Variants in SORCS3 observed in about 807,000 individuals in gnomAD.
SORCS3 encodes the protein VPS10 domain-containing receptor SorCS3.
SORCS3 carries 57 observed loss-of-function variants against 146.3 expected under a neutral mutation model. The ratio of observed to expected loss-of-function variants is 0.39; its 90% CI spans 0.31 to 0.49. SORCS3 has a LOEUF of 0.49. SORCS3 is among the 20% of genes least tolerant of loss of function. The pLI is 0.92. For missense variants in SORCS3, 1,341 were observed against 1,575.5 expected (o/e 0.85, Z 2.52); for synonymous variants, 653 against 618.5 (o/e 1.06, Z -0.83).
At chr10:105,032,459 T>C (rs2055275385) in intron 4 of SORCS3, among the ~76,000 whole-genome samples, 1 of 152,152 alleles carries the variant, frequency 6.6e-6, no homozygotes, top group Non-Finnish European at 1.5e-5. Flanking sequence ...TTTACTCCTC[T>C]GAAAGAATAG....
rs571900628 is a variant in SORCS3, at chr10:104,694,051, A to C, written c.627+52097A>C. Among the ~76,000 whole-genome samples, 14 of 151,960 alleles carry C rather than the reference A, an allele frequency of 9.2e-5. No individual in the cohort carries two copies. In the South Asian group the frequency reaches 2.1e-3, roughly 23 times the overall value. On this transcript the variant is annotated intron_variant, in intron 1 of 26. Coordinates refer to ENST00000369701, the MANE Select transcript of SORCS3 (RefSeq NM_014978.3). ...CACTTGATAGCTGAAATCATTACAG[A>C]AAAACAGAGCCTTGATTTGCGTGGT...
chr10:104,944,344 A>G (rs1020762399), intron 3 of SORCS3, among the ~76,000 whole-genome samples: 9 of 152,326 alleles, frequency 5.9e-5, no homozygotes, highest in African/African-American at 2.2e-4. Flanking sequence ...AATTTTGACT[A>G]TAGAAGAAAA....
chr10:105,156,316 C>T (rs1214607871), intron 9 of SORCS3, among the ~76,000 whole-genome samples: 2 of 152,242 alleles, frequency 1.3e-5, no homozygotes, highest in Non-Finnish European at 2.9e-5. Context: ...TAAGTATCTG[C>T]TTTCCTTGCC....
At chr10:105,182,986 T>C (rs1282694570) in intron 14 of SORCS3, among the ~76,000 whole-genome samples, 1 of 152,160 alleles carries the variant, frequency 6.6e-6, no homozygotes, top group Admixed American at 6.5e-5. Context: ...TACAGACACA[T>C]GTGCCAGTGC....
In SORCS3 at chr10:104,959,239, A is replaced by C. The variant is rs564981962; in HGVS notation, c.796-18096A>C. On this transcript the variant is annotated intron_variant, in intron 3 of 26. Transcript: ENST00000369701. ...AGGGGATACTATGGAACTGAATGCTATTCACCCCTACACATACCAAATTCA... is the reference window on the plus strand; with the variant it reads ...AGGGGATACTATGGAACTGAATGCTCTTCACCCCTACACATACCAAATTCA... 7.6e-4 allele frequency among the ~76,000 whole-genome samples: 116 copies of C among 152,276 alleles called. 1 individual carries two copies. Among genetic ancestry groups the C allele is most frequent in the Admixed American group, 2.0e-3 (30 of 15,288 alleles).
intron 1 of SORCS3, among the ~76,000 whole-genome samples, chr10:104,744,714 A>G (rs1306406126): frequency 1.3e-5 from 2 of 152,244 alleles, no homozygotes; most frequent in South Asian, 2.1e-4. Flanking sequence ...CTCCGCCTCC[A>G]TACCCAGAAT....
chr10:104,842,858 A>G lies in SORCS3; in HGVS notation c.694A>G (p.Arg232Gly), dbSNP rs753425430. The G allele has an allele frequency of 6.2e-7, 1 of 1,613,300 alleles. No homozygotes were observed. Among genetic ancestry groups the G allele is most frequent in the East Asian group, 2.2e-5 (1 of 44,856 alleles). ...LGSVTESSLW[R>G]STDYGTTYEK... ...CAGCGTGACTGAGAGTTCACTATGG[A>G]GGTAAGCAGATTAGAGATTCTTAAG... The change falls in exon 2 of 27, where the codon AGG (arginine) becomes GGG (glycine). Residue 232 changes from arginine (R) to glycine (G), a missense_variant and splice_region_variant. Arg to Gly is a moderately radical substitution (Grantham distance 125, BLOSUM62 -2). Transcript: ENST00000369701.
intron 1 of SORCS3, among the ~76,000 whole-genome samples, chr10:104,671,836 C>T (rs1056872868): frequency 4.6e-5 from 7 of 151,988 alleles, no homozygotes; most frequent in African/African-American, 1.2e-4. Context: ...CTTGTCATGG[C>T]GTATAATCCT....
chr10:105,039,175 G>A (rs1216417680), intron 4 of SORCS3, among the ~76,000 whole-genome samples: 2 of 152,070 alleles, frequency 1.3e-5, no homozygotes, highest in African/African-American at 4.8e-5. Flanking sequence ...AGATGTGTAG[G>A]TGGAGAGGTT....
rs1220396214 is a variant in SORCS3 at position 104,641,474 on chromosome 10, G to A, written c.147G>A (p.Pro49=). The A allele has an allele frequency of 2.7e-6, 4 of 1,466,956 alleles. No individual in the cohort carries two copies. Among genetic ancestry groups the A allele is most frequent in the African/African-American group, 2.9e-5 (2 of 67,944 alleles). 90.9% of individuals were successfully genotyped at this position (1,466,956 alleles called of 1,614,324 possible). ...ATGGPGRPAA[P]ASRPPALSPL... ...GCGGTCCCGGACGCCCGGCGGCCCCGGCTTCGCGGCCACCGGCGTTGTCTC... is the reference window on the plus strand; with the variant it reads ...GCGGTCCCGGACGCCCGGCGGCCCCAGCTTCGCGGCCACCGGCGTTGTCTC... Residue 49 remains proline, a synonymous_variant, in exon 1 of 27, where the codon CCG becomes CCA. Coordinates refer to ENST00000369701, the MANE Select transcript of SORCS3 (RefSeq NM_014978.3). This position sits in a 1 kb window ranked among gnomAD's most constrained non-coding sequence, Gnocchi z 6.4.
At chr10:105,030,696 G>A (rs1302187588) in intron 4 of SORCS3, among the ~76,000 whole-genome samples, 3 of 151,834 alleles carry the variant, frequency 2.0e-5, no homozygotes, top group African/African-American at 4.8e-5. Context: ...GGGTTCAAGC[G>A]ATTTTCCTGC....
intron 1 of SORCS3, among the ~76,000 whole-genome samples, chr10:104,770,911 C>G (rs2017241094): frequency 6.6e-6 from 1 of 152,168 alleles, no homozygotes; most frequent in African/African-American, 2.4e-5. Flanking sequence ...ATCCAAAATA[C>G]TATTTTAATG....
At chr10:105,139,312 G>T (rs1389216437) in intron 7 of SORCS3, 85 bp from the exon 8 acceptor site, 1 of 977,340 alleles carries the variant, frequency 1.0e-6, no homozygotes, top group Non-Finnish European at 1.6e-6. Flanking sequence ...ACCCATTGTG[G>T]TTGTTGATAG....
intron 1 of SORCS3, chr10:104,664,739 G>T (rs1413294563): frequency 6.6e-6 from 1 of 152,238 alleles, no homozygotes; most frequent in Admixed American, 6.5e-5. Context: ...AGGGGCGTGT[G>T]CTTGGGCTCA....
At chr10:105,026,082 C>T (rs1310674634) in intron 4 of SORCS3, among the ~76,000 whole-genome samples, 1 of 152,058 alleles carries the variant, frequency 6.6e-6, no homozygotes, top group African/African-American at 2.4e-5. Flanking sequence ...GCGATCAGTT[C>T]TCCTATCCTC....
At chr10:105,179,031 C>T (rs913290672) in intron 14 of SORCS3, among the ~76,000 whole-genome samples, 1 of 152,118 alleles carries the variant, frequency 6.6e-6, no homozygotes, top group African/African-American at 2.4e-5. Flanking sequence ...TTGAATTAGT[C>T]TTTTTCCAAT....
chr10:105,174,742 G>A (rs1245632120), intron 13 of SORCS3, among the ~76,000 whole-genome samples: 9 of 151,926 alleles, frequency 5.9e-5, no homozygotes, highest in African/African-American at 2.2e-4. Context: ...GGTATCTGCC[G>A]ATCCGCTCTT....
chr10:104,977,256 A>C (rs1465564050), intron 3 of SORCS3, 79 bp from the exon 4 acceptor site: 1 of 1,199,256 alleles, frequency 8.3e-7, no homozygotes, highest in Non-Finnish European at 1.1e-6. Context: ...AATACAGATG[A>C]CTTATTTATG....
intron 1 of SORCS3, among the ~76,000 whole-genome samples, chr10:104,714,965 C>G (rs1483093581): frequency 6.6e-6 from 1 of 152,136 alleles, no homozygotes; most frequent in African/African-American, 2.4e-5. Context: ...GGGTCATAGG[C>G]TAAATTATAT....
Sources: allele counts gnomAD v4.1 joint callset (sites outside exome capture counted in the v4.1 genomes callset), GRCh38; gene constraint gnomAD v4.1.1; non-coding constraint Gnocchi (gnomAD v3.1); transcripts MANE v1.5; gene names NCBI Gene and HGNC (gene_info 2026-07-23, HGNC 2026-07-21).